The following ASAP1 variants were observed in gnomAD, a reference collection of about 807,000 sequenced individuals.
ASAP1 encodes arf-GAP with SH3 domain, ANK repeat and PH domain-containing protein 1.
In ASAP1, 43 loss-of-function variants were observed where a neutral mutation model predicts 145.2. The observed-to-expected ratio is 0.30, with a 90% CI of 0.23 to 0.38. The LOEUF is 0.38. Among genes scored for constraint, ASAP1 ranks in the 10% least tolerant of loss-of-function variants. The pLI, the probability that ASAP1 is intolerant of heterozygous loss-of-function variation, is 1.00. For missense variants in ASAP1, 1,018 were observed against 1,355.3 expected (o/e 0.75, Z 3.91); for synonymous variants, 546 against 515.5 (o/e 1.06, Z -0.80).
intron 2 of ASAP1, among the ~76,000 whole-genome samples, chr8:130,394,005 T>G (rs1477797077): frequency 6.6e-6 from 1 of 152,220 alleles, no homozygotes; most frequent in Non-Finnish European, 1.5e-5. Context: ...ATCATTTTCA[T>G]AAGCTGAGGA....
chr8:130,072,825 G>GTGTGTGTGTGTGTGTGTGCGCGCA, intron 27 of ASAP1, among the ~76,000 whole-genome samples: 4 of 54,108 alleles, frequency 7.4e-5, no homozygotes, highest in African/African-American at 9.1e-5. Flanking sequence ...GTGTGTGTGT[G>GTGTGTGTGTGTGTGTGTGCGCGCA]CGCGCGGGGG....
At chr8:130,222,121 A>G (rs1817329239) in intron 4 of ASAP1, among the ~76,000 whole-genome samples, 2 of 152,198 alleles carry the variant, frequency 1.3e-5, no homozygotes, top group Non-Finnish European at 2.9e-5. Flanking sequence ...TGGCAATAAC[A>G]AGTACCTTAG....
chr8:130,096,067 C>T (rs544748747), intron 24 of ASAP1, among the ~76,000 whole-genome samples: 1 of 152,180 alleles, frequency 6.6e-6, no homozygotes, highest in Admixed American at 6.5e-5. Context: ...AACACACAGA[C>T]AGACCTATCT....
chr8:130,187,162 T>C (rs1814789048), intron 7 of ASAP1, 74 bp downstream of exon 7: 1 of 946,834 alleles, frequency 1.1e-6, no homozygotes, highest in Non-Finnish European at 1.5e-6. Context: ...TCCAGTTAAG[T>C]TTTTTTTTTT....
chr8:130,131,324 A>T (rs942749502), intron 15 of ASAP1, among the ~76,000 whole-genome samples: 2 of 152,140 alleles, frequency 1.3e-5, no homozygotes, highest in Admixed American at 6.6e-5. Context: ...TGAAAAATAA[A>T]CTCAATGATG....
chr8:130,149,046 C>T (rs1467961296), intron 13 of ASAP1, among the ~76,000 whole-genome samples: 1 of 142,426 alleles, frequency 7.0e-6, no homozygotes, highest in African/African-American at 2.6e-5. Context: ...TAGGGTTTCT[C>T]CATGTTGCCC....
At chr8:130,203,057 T>G (rs1265486890) in intron 5 of ASAP1, among the ~76,000 whole-genome samples, 2 of 151,634 alleles carry the variant, frequency 1.3e-5, no homozygotes, top group African/African-American at 4.9e-5. Flanking sequence ...AAATTAGAAA[T>G]AAATTGTTGG....
At chr8:130,056,540 G>A (rs2097404648) in intron 29 of ASAP1, among the ~76,000 whole-genome samples, 1 of 152,318 alleles carries the variant, frequency 6.6e-6, no homozygotes, top group Admixed American at 6.5e-5. Flanking sequence ...TCCAGATATT[G>A]TAAATGTCCC....
intron 2 of ASAP1, among the ~76,000 whole-genome samples, chr8:130,392,271 A>G (rs1305052152): frequency 1.3e-5 from 2 of 152,220 alleles, no homozygotes; most frequent in Admixed American, 1.3e-4. Flanking sequence ...CTGCTGCCTT[A>G]GAGACTATCA....
intron 13 of ASAP1, among the ~76,000 whole-genome samples, chr8:130,142,528 G>A (rs2097614414): frequency 6.6e-6 from 1 of 152,106 alleles, no homozygotes; most frequent in African/African-American, 2.4e-5. Context: ...GAAACACATG[G>A]TCCATGCCAT....
At chr8:130,150,416 T>C (rs1431977789) in intron 13 of ASAP1, among the ~76,000 whole-genome samples, 1 of 152,148 alleles carries the variant, frequency 6.6e-6, no homozygotes, top group Admixed American at 6.5e-5. Flanking sequence ...AACTATATGA[T>C]CTCCCATCAC....
chr8:130,329,038 T>C (rs1353139511), intron 3 of ASAP1, among the ~76,000 whole-genome samples: 2 of 152,198 alleles, frequency 1.3e-5, no homozygotes, highest in African/African-American at 4.8e-5. Flanking sequence ...ATGGTTCCAC[T>C]GAAGCCTTTG....
At chr8:130,270,780 G>A (rs1015065797) in intron 3 of ASAP1, among the ~76,000 whole-genome samples, 12 of 152,202 alleles carry the variant, frequency 7.9e-5, no homozygotes, top group Admixed American at 6.5e-4. Flanking sequence ...TTAGAAAAGA[G>A]TTACAGATTT....
chr8:130,118,500 C>T lies in ASAP1; in HGVS notation c.1783G>A (p.Glu595Lys). The change falls in exon 19 of 30, where the codon GAA becomes AAA. Residue 595 changes from glutamate to lysine, a missense_variant. Around this residue, in one of 9 missense-constraint regions of ASAP1, gnomAD observed 353 missense variants for 375.4 expected, o/e 0.94. Coordinates refer to ENST00000518721, the MANE Select transcript of ASAP1 (RefSeq NM_018482.4). ...EGVELMEPLL[E>K]PGQELGETAL... Reference sequence around the variant, plus strand: ...TAGTGAGGCCTTACCTGCCCAGGTTCCAGCAGTGGTTCCATTAGCTCTACC... The same window carrying T: ...TAGTGAGGCCTTACCTGCCCAGGTTTCAGCAGTGGTTCCATTAGCTCTACC... 6.2e-7 allele frequency: 1 copy of T among 1,608,574 alleles called. No homozygotes were observed. The highest frequency in any genetic ancestry group is 8.5e-7 in the Non-Finnish European group (1 of 1,176,878).
intron 1 of ASAP1, among the ~76,000 whole-genome samples, chr8:130,438,497 G>A (rs1029938004): frequency 9.9e-5 from 15 of 152,182 alleles, no homozygotes; most frequent in African/African-American, 2.9e-4. Flanking sequence ...GTAGGGATGC[G>A]TGCTGTGCTA....
At chr8:130,412,967 T>C (rs1829329625) in intron 1 of ASAP1, among the ~76,000 whole-genome samples, 1 of 152,222 alleles carries the variant, frequency 6.6e-6, no homozygotes. Context: ...ATAACAAAGC[T>C]AGCATATATT....
At position 130,370,279 on chromosome 8, in the gene ASAP1, G is replaced by A. The variant is rs908428909; in HGVS notation, c.60-12136C>T. Among the ~76,000 whole-genome samples, 3 of 152,276 alleles carry A rather than the reference G, an allele frequency of 2.0e-5. No individual in the cohort carries two copies. In the South Asian group the frequency reaches 6.2e-4, roughly 32 times the overall value. ...ATCACACCGTTGCATTCCAGCCTGG[G>A]GGGTGACAGAGCAAGACCCCATCTC... On this transcript the variant is annotated intron_variant, in intron 2 of 29. Coordinates refer to ENST00000518721, the MANE Select transcript of ASAP1 (RefSeq NM_018482.4).
At chr8:130,308,556 A>G (rs1230616687) in intron 3 of ASAP1, among the ~76,000 whole-genome samples, 1 of 152,234 alleles carries the variant, frequency 6.6e-6, no homozygotes, top group African/African-American at 2.4e-5. Flanking sequence ...TCAAATTAAC[A>G]TTAGCATCAA....
intron 13 of ASAP1, among the ~76,000 whole-genome samples, chr8:130,141,946 G>A (rs552781629): frequency 4.6e-5 from 7 of 152,068 alleles, no homozygotes; most frequent in South Asian, 2.1e-4. Flanking sequence ...TTAAACTCCC[G>A]GCCTCAAGTG....
Sources: gnomAD v4.1 joint callset for allele counts (sites outside exome capture counted in the v4.1 genomes callset) on GRCh38, gnomAD v4.1.1 for gene constraint, gnomAD v4.1.1 regional missense constraint, MANE v1.5 for transcripts, NCBI Gene and HGNC (gene_info 2026-07-23, HGNC 2026-07-21) for gene names.